RNF213: variants seen among roughly 807,000 people sequenced by gnomAD.
RNF213 encodes the protein E3 ubiquitin-protein ligase RNF213.
Under a neutral mutation model 514.4 loss-of-function variants are expected in RNF213, and 341 were observed. The ratio of observed to expected loss-of-function variants is 0.66; its 90% CI spans 0.61 to 0.73. RNF213 has a LOEUF of 0.73. RNF213 is among the 30% of genes least tolerant of loss of function. The pLI, the probability that RNF213 is intolerant of heterozygous loss-of-function variation, is 0.00. For synonymous variants in RNF213, 2,655 were observed against 2,658.2 expected (o/e 1.00, Z 0.04); for missense variants, 5,767 against 6,615.6 (o/e 0.87, Z 4.45).
At chr17:80,369,699 G>A in intron 45 of RNF213, 28 bp downstream of exon 45, 2 of 1,614,044 alleles carry the variant, frequency 1.2e-6, no homozygotes, top group Non-Finnish European at 1.7e-6. Flanking sequence ...TGTAAACCTA[G>A]CCCCTCATTT....
intron 18 of RNF213, 69 bp from the exon 19 acceptor site, chr17:80,327,747 C>A: frequency 7.4e-7 from 1 of 1,355,704 alleles, no homozygotes; most frequent in South Asian, 1.4e-5. Context: ...ATCTGGAATT[C>A]CCACGGTAAC....
Position 80,332,587 on chromosome 17 carries a change from G to C in RNF213, c.4099G>C (p.Gly1367Arg). 3 of 1,525,100 alleles carry C rather than the reference G, an allele frequency of 2.0e-6. No homozygotes were observed. Among genetic ancestry groups the C allele is most frequent in the Non-Finnish European group, 2.6e-6 (3 of 1,140,088 alleles). 94.5% of individuals were successfully genotyped at this position (1,525,100 alleles called of 1,614,324 possible). ...KVILQVKESL[G>R]LNGDFSVLNT... ...CATCTTGCAGGTCAAAGAGAGCCTG[G>C]GACTGAACGGTGACTTCAGTGTTCT... The change falls in exon 21 of 68, where the codon GGA becomes CGA. Residue 1367 changes from glycine (G) to arginine (R), a missense_variant. Physicochemically the swap from Gly to Arg is moderately radical, Grantham distance 125 (BLOSUM62 -2). Around this residue, in one of 13 missense-constraint regions of RNF213, gnomAD observed 516 missense variants for 566.5 expected, o/e 0.91. Coordinates refer to ENST00000582970, the MANE Select transcript of RNF213 (RefSeq NM_001256071.3).
intron 39 of RNF213, 49 bp downstream of exon 39, chr17:80,361,937 G>A (rs2079070655): frequency 2.5e-6 from 4 of 1,587,570 alleles, no homozygotes; most frequent in Non-Finnish European, 3.4e-6. Context: ...CTTGCATGAT[G>A]GGGACTGGAT....
In RNF213 at chr17:80,367,878, C is replaced by T. The variant is rs569543192; in HGVS notation, c.11972+30C>T. ...GACCTTAGGTTTGGATCTGTGAAGG[C>T]GAGAATTCTGAACCTCTCGTGGTTT... On this transcript the variant is annotated intron_variant, in intron 43 of 67. Coordinates refer to ENST00000582970, the MANE Select transcript of RNF213 (RefSeq NM_001256071.3). 30 of 1,613,188 alleles carry T rather than the reference C, an allele frequency of 1.9e-5. No individual in the cohort carries two copies. In the South Asian group the frequency reaches 2.1e-4, roughly 11 times the overall value.
intron 21 of RNF213, among the ~76,000 whole-genome samples, chr17:80,333,163 C>G (rs2046463984): frequency 6.6e-6 from 1 of 151,380 alleles, no homozygotes; most frequent in Non-Finnish European, 1.5e-5. Context: ...ATTCTCCTGT[C>G]TCAGCCTCCC....
In RNF213 at chr17:80,332,258, T is replaced by G. The variant is rs2046436917; in HGVS notation, c.3770T>G (p.Leu1257Arg). The G allele has an allele frequency of 6.5e-7, 1 of 1,537,228 alleles. No homozygotes were observed. ...GAGGACCAGGAAGCCGCAGAGTTGC[T>G]GAGTGAGCCCGAAGAAGAATCAGAA... is the stretch of plus-strand genomic sequence containing the variant. ...PKEDQEAAELLSEPEEESERH... is the reference protein window; with the variant it reads ...PKEDQEAAELRSEPEEESERH... The change falls in exon 21 of 68, where the codon CTG becomes CGG. Residue 1257 changes from leucine (L) to arginine (R), a missense_variant. Around this residue, in one of 13 missense-constraint regions of RNF213, gnomAD observed 516 missense variants for 566.5 expected, o/e 0.91. Coordinates refer to ENST00000582970, the MANE Select transcript of RNF213 (RefSeq NM_001256071.3).
chr17:80,382,004 C>T, intron 57 of RNF213: 2 of 455,458 alleles, frequency 4.4e-6, no homozygotes, highest in South Asian at 2.1e-5. Flanking sequence ...TATTCGGGAG[C>T]GTCTGCACGC....
At chr17:80,286,307 G>A (rs2044470646) in intron 3 of RNF213, among the ~76,000 whole-genome samples, 1 of 152,134 alleles carries the variant, frequency 6.6e-6, no homozygotes, top group African/African-American at 2.4e-5. Context: ...CGCCTCCTGT[G>A]CTTTGTGTAC....
intron 59 of RNF213, 34 bp downstream of exon 59, chr17:80,383,962 T>G: frequency 6.2e-7 from 1 of 1,614,048 alleles, no homozygotes; most frequent in Non-Finnish European, 8.5e-7. Context: ...CCTCCCTCTT[T>G]CGGTGCAGAG....
chr17:80,306,576 G>A (rs1439830813), intron 12 of RNF213, 108 bp downstream of exon 12: 2 of 1,178,066 alleles, frequency 1.7e-6, no homozygotes, highest in African/African-American at 1.5e-5. Context: ...CAGTGGGCTG[G>A]GTGCGGTGGC....
rs1479064193 is a variant in RNF213 at position 80,369,565 on chromosome 17, G to T, written c.12219G>T (p.Val4073=). 3.1e-6 allele frequency: 5 copies of T among 1,614,132 alleles called. No homozygotes were observed. Among genetic ancestry groups the T allele is most frequent in the Non-Finnish European group, 4.2e-6 (5 of 1,180,044 alleles). The change falls in exon 45 of 68, where the codon GTG becomes GTT. Residue 4073 remains valine (V), a synonymous_variant. Coordinates refer to ENST00000582970, the MANE Select transcript of RNF213 (RefSeq NM_001256071.3). ...QMCNSFFVDL[V]STICFKDNAP... ...GCAACAGTTTCTTCGTAGACCTGGT[G>T]TCCACCATTTGCTTCAAGGACAACG...
rs1438231945 is a variant in RNF213, at chr17:80,332,558, A to G, written c.4070A>G (p.Lys1357Arg). 2.6e-6 allele frequency: 4 copies of G among 1,535,098 alleles called. No homozygotes were observed. Among genetic ancestry groups the G allele is most frequent in the Admixed American group, 2.0e-5 (1 of 50,886 alleles). Reference protein sequence around the residue: ...HHLHQAVHAAKVILQVKESLG... With the variant: ...HHLHQAVHAARVILQVKESLG... Reference sequence around the variant, plus strand: ...CTGCACCAGGCTGTCCACGCAGCCAAGGTCATCTTGCAGGTCAAAGAGAGC... The same window carrying G: ...CTGCACCAGGCTGTCCACGCAGCCAGGGTCATCTTGCAGGTCAAAGAGAGC... Residue 1357 changes from lysine (K) to arginine (R), a missense_variant, in exon 21 of 68, where the codon AAG becomes AGG. Around this residue, in one of 13 missense-constraint regions of RNF213, gnomAD observed 516 missense variants for 566.5 expected, o/e 0.91. Coordinates refer to ENST00000582970, the MANE Select transcript of RNF213 (RefSeq NM_001256071.3).
At chr17:80,393,234 GCCTC>G in intron 67 of RNF213, 107 bp from the exon 68 acceptor site, 1 of 1,087,024 alleles carries the variant, frequency 9.2e-7, no homozygotes, top group Non-Finnish European at 1.4e-6. Context: ...ACCCACCTCA[GCCTC>G]CCACAGTGCT....
At chr17:80,369,322 T>C (rs2079412530) in intron 44 of RNF213, among the ~76,000 whole-genome samples, 180 bp from the exon 45 acceptor site, 1 of 149,274 alleles carries the variant, frequency 6.7e-6, no homozygotes, top group Non-Finnish European at 1.5e-5. Context: ...CACTTGAACC[T>C]GGGAGGTGGA....
intron 3 of RNF213, among the ~76,000 whole-genome samples, chr17:80,281,505 A>C (rs2044283788): frequency 1.8e-5 from 2 of 113,214 alleles, no homozygotes; most frequent in Non-Finnish European, 3.5e-5. Flanking sequence ...CCCCACTCAC[A>C]CACACACCCC....
intron 11 of RNF213, among the ~76,000 whole-genome samples, chr17:80,299,910 T>G (rs1200140283): frequency 6.6e-6 from 1 of 152,232 alleles, no homozygotes; most frequent in Admixed American, 6.5e-5. Flanking sequence ...TTTTTATGGC[T>G]GCATAGTATT....
At chr17:80,333,997 T>C (rs2077911421) in intron 21 of RNF213, 108 bp from the exon 22 acceptor site, 1 of 1,296,726 alleles carries the variant, frequency 7.7e-7, no homozygotes, top group Non-Finnish European at 1.1e-6. Flanking sequence ...GTGGCAAATC[T>C]AGGCATTGAG....
At chr17:80,351,510 C>T (rs1044830801) in intron 31 of RNF213, among the ~76,000 whole-genome samples, 175 bp from the exon 32 acceptor site, 18 of 152,198 alleles carry the variant, frequency 1.2e-4, no homozygotes, top group African/African-American at 3.4e-4. Context: ...GAAGAAATCA[C>T]GATCGCAGGG....
At chr17:80,271,869 A>G (rs1291644978) in intron 2 of RNF213, among the ~76,000 whole-genome samples, 5 of 152,064 alleles carry the variant, frequency 3.3e-5, no homozygotes, top group Non-Finnish European at 5.9e-5. Flanking sequence ...AATCCCAGCT[A>G]CTCCAGAGGC....
Sources: allele counts gnomAD v4.1 joint callset (sites outside exome capture counted in the v4.1 genomes callset), GRCh38; gene constraint gnomAD v4.1.1; regional missense constraint gnomAD v4.1.1; transcripts MANE v1.5; gene names NCBI Gene and HGNC (gene_info 2026-07-23, HGNC 2026-07-21).